Variants in PPEF1 observed in about 807,000 individuals in gnomAD.
PPEF1 encodes the protein serine/threonine-protein phosphatase with EF-hands 1.
PPEF1 carries 12 observed loss-of-function variants against 53.3 expected under a neutral mutation model. That is an observed-to-expected ratio of 0.23 (90% CI 0.14 to 0.36). The LOEUF is 0.36. Ranked by LOEUF, PPEF1 falls within the 10% of genes least tolerant of loss-of-function variation. PPEF1 has a pLI of 1.00. For missense variants in PPEF1, 334 were observed against 490.4 expected, an observed-to-expected ratio of 0.68 and a Z score of 3.01; for synonymous variants, 165 against 176.7, an observed-to-expected ratio of 0.93 and a Z score of 0.52.
At chrX:18,809,607 A>T (rs773852735) in intron 12 of PPEF1, among the ~76,000 whole-genome samples, 2 of 108,469 alleles carry the variant, frequency 1.8e-5, no homozygotes, top group African/African-American at 6.7e-5. Flanking sequence ...CTGGAGGCTG[A>T]GGCAGGAGAA....
chrX:18,738,381 C>T (rs772802192), intron 3 of PPEF1, among the ~76,000 whole-genome samples: 192 of 111,287 alleles, frequency 1.7e-3, no homozygotes, highest in South Asian at 7.1e-3. Context: ...CCTTCACTTA[C>T]GAAGCTTAGT....
chrX:18,693,801 C>T (rs1337515265), intron 4 of PPEF1, among the ~76,000 whole-genome samples: 1 of 112,096 alleles, frequency 8.9e-6, no homozygotes. Flanking sequence ...CTCCTGACCT[C>T]AGGTGATCCA....
At chrX:18,758,571 A>G (rs1477451814) in intron 5 of PPEF1, among the ~76,000 whole-genome samples, 2 of 111,364 alleles carry the variant, frequency 1.8e-5, no homozygotes, top group South Asian at 3.8e-4. Context: ...ACATGCCCTG[A>G]CTCAGGTTTT....
At chrX:18,782,226 G>A (rs372491934) in intron 7 of PPEF1, 140 bp from the exon 8 acceptor site, 1 of 504,772 alleles carries the variant, frequency 2.0e-6, no homozygotes, top group Admixed American at 4.1e-5. Context: ...AAGGACTCAG[G>A]TAAGTAACAC....
chrX:18,804,105 C>T, intron 11 of PPEF1, 28 bp downstream of exon 11: 1 of 1,131,688 alleles, frequency 8.8e-7, no homozygotes. Context: ...GTGACATTCC[C>T]ATAAACATCC....
exon 4 of PPEF1, chrX:18,691,024 C>T (rs1929345777): frequency 9.0e-6 from 1 of 111,613 alleles, no homozygotes; most frequent in Non-Finnish European, 1.9e-5. Flanking sequence ...GAGTCAACAA[C>T]CAGCAAAGTG....
intron 15 of PPEF1, 33 bp downstream of exon 15, chrX:18,825,868 A>G: frequency 9.8e-7 from 1 of 1,017,080 alleles, no homozygotes; most frequent in Non-Finnish European, 1.4e-6. Context: ...GTCCATTTAA[A>G]AAGTGTATGT....
intron 6 of PPEF1, among the ~76,000 whole-genome samples, chrX:18,777,233 C>T (rs1159514187): frequency 8.9e-6 from 1 of 112,052 alleles, no homozygotes; most frequent in Non-Finnish European, 1.9e-5. Flanking sequence ...TTTGAAATTG[C>T]CTTCAGAACA....
chrX:18,718,939 A>G (rs2147326844), intron 1 of PPEF1, among the ~76,000 whole-genome samples: 1 of 112,473 alleles, frequency 8.9e-6, no homozygotes, highest in Non-Finnish European at 1.9e-5. Flanking sequence ...CGAACATGGC[A>G]ATATAACACA....
intron 10 of PPEF1, among the ~76,000 whole-genome samples, chrX:18,797,763 G>A (rs772704874): frequency 2.7e-5 from 3 of 111,326 alleles, no homozygotes; most frequent in East Asian, 2.8e-4. Context: ...GTGCAGTGGC[G>A]CAATCTCGGC....
intron 9 of PPEF1, 82 bp downstream of exon 9, chrX:18,784,130 T>C: frequency 1.1e-6 from 1 of 911,881 alleles, no homozygotes; most frequent in Non-Finnish European, 1.5e-6. Context: ...TTTGAATTGA[T>C]TTGTGTTTTA....
At chrX:18,689,308 C>T (rs1200201710) in intron 3 of PPEF1, among the ~76,000 whole-genome samples, 1 of 108,499 alleles carries the variant, frequency 9.2e-6, no homozygotes, top group Non-Finnish European at 1.9e-5. Context: ...GATGGTGAAA[C>T]GCCATCTCTG....
chrX:18,680,642 G>A (rs1384794344), upstream of PPEF1, among the ~76,000 whole-genome samples: 1 of 109,304 alleles, frequency 9.1e-6, no homozygotes, highest in Non-Finnish European at 1.9e-5. Flanking sequence ...TATACTTTAA[G>A]TTTCAGGGTA....
intron 6 of PPEF1, among the ~76,000 whole-genome samples, chrX:18,700,621 G>A (rs1352891062): frequency 1.8e-5 from 2 of 111,350 alleles, no homozygotes; most frequent in African/African-American, 3.3e-5. Flanking sequence ...TGAAGAAGAC[G>A]TACAGATGAC....
chrX:18,764,907 G>T (rs2045737073), intron 6 of PPEF1, among the ~76,000 whole-genome samples: 1 of 111,949 alleles, frequency 8.9e-6, no homozygotes, highest in Admixed American at 9.5e-5. Context: ...TGAGAAAAGA[G>T]AATTCTAACA....
intron 12 of PPEF1, among the ~76,000 whole-genome samples, chrX:18,811,194 A>G (rs748480164): frequency 8.9e-6 from 1 of 111,823 alleles, no homozygotes; most frequent in South Asian, 3.8e-4. Flanking sequence ...CTGGGACTAC[A>G]GGCATGCGCC....
chrX:18,811,615 ATTTTT>A (rs772854787), intron 12 of PPEF1, among the ~76,000 whole-genome samples: 11 of 8,236 alleles, frequency 1.3e-3, no homozygotes, highest in African/African-American at 2.9e-3. Flanking sequence ...ATATATATAT[ATTTTT>A]TTTTTTTTTT....
At chrX:18,800,831 A>T (rs960971510) in intron 10 of PPEF1, among the ~76,000 whole-genome samples, 1 of 111,380 alleles carries the variant, frequency 9.0e-6, no homozygotes, top group Non-Finnish European at 1.9e-5. Context: ...GAACCAATCC[A>T]CCTTGGATAC....
chrX:18,677,638 A>T (rs1000032113), intron 1 of PPEF1, among the ~76,000 whole-genome samples: 6 of 111,441 alleles, frequency 5.4e-5, no homozygotes, highest in Non-Finnish European at 1.1e-4. Flanking sequence ...ACAGCTGATG[A>T]TCTAGCTTCC....
Sources: gnomAD v4.1 joint callset for allele counts (sites outside exome capture counted in the v4.1 genomes callset) on GRCh38, gnomAD v4.1.1 for gene constraint, MANE v1.5 for transcripts, NCBI Gene and HGNC (gene_info 2026-07-23, HGNC 2026-07-21) for gene names.